Variants in CCDC88A observed in about 807,000 individuals in gnomAD.
CCDC88A encodes the protein girdin.
Under a neutral mutation model 234.3 loss-of-function variants are expected in CCDC88A, and 54 were observed. The ratio of observed to expected loss-of-function variants is 0.23; its 90% CI spans 0.19 to 0.29. CCDC88A has a LOEUF of 0.29. Among genes scored for constraint, CCDC88A ranks in the 10% least tolerant of loss-of-function variants. The pLI, the probability that CCDC88A is intolerant of heterozygous loss-of-function variation, is 1.00. For missense variants in CCDC88A, 1,832 were observed against 2,123.4 expected (o/e 0.86, Z 2.70); for synonymous variants, 753 against 737.8 (o/e 1.02, Z -0.33).
chr2:55,371,557 G>C (rs778567037), intron 5 of CCDC88A, among the ~76,000 whole-genome samples: 5 of 152,128 alleles, frequency 3.3e-5, no homozygotes, highest in Non-Finnish European at 5.9e-5. Flanking sequence ...ACAGTTCTTT[G>C]GACTACTAGC....
chr2:55,396,911 T>C (rs1476902069), intron 2 of CCDC88A, among the ~76,000 whole-genome samples: 1 of 151,854 alleles, frequency 6.6e-6, no homozygotes. Context: ...GCAATGTTTT[T>C]TCTAAAACCC....
chr2:55,349,277 T>C, intron 9 of CCDC88A: 1 of 433,444 alleles, frequency 2.3e-6, no homozygotes, highest in Non-Finnish European at 4.0e-6. Flanking sequence ...AATGTGGAAC[T>C]ACCTCAGTCC....
Position 55,289,008 on chromosome 2 carries a change from A to G in CCDC88A, c.*2192T>C, listed in dbSNP as rs1326868516. 1 of 152,560 alleles carries G rather than the reference A, an allele frequency of 6.6e-6. No homozygotes were observed. The highest frequency in any genetic ancestry group is 2.4e-5 in the African/African-American group (1 of 41,458). 9.5% of individuals were successfully genotyped at this position (152,560 alleles called of 1,614,324 possible). On this transcript the variant is annotated 3_prime_UTR_variant, in exon 33 of 33. Transcript: ENST00000436346. ...GATGAATATAATTGAGATTATTCATATTTTTGTAGTCTCAATGTGTTCCCT... is the reference window on the plus strand; with the variant it reads ...GATGAATATAATTGAGATTATTCATGTTTTTGTAGTCTCAATGTGTTCCCT...
At chr2:55,415,064 T>TC (rs1491096817) in intron 2 of CCDC88A, among the ~76,000 whole-genome samples, 3 of 77,982 alleles carry the variant, frequency 3.8e-5, no homozygotes, top group Non-Finnish European at 8.9e-5. Context: ...AGACTCTGTT[T>TC]CAAAAAAAAA....
intron 31 of CCDC88A, among the ~76,000 whole-genome samples, chr2:55,293,244 GAAAT>G (rs1337176305): frequency 6.6e-6 from 1 of 152,074 alleles, no homozygotes; most frequent in East Asian, 1.9e-4. Flanking sequence ...GTGTGGAAAA[GAAAT>G]AACACTAATT....
At chr2:55,331,227 C>G (rs1348113057) in intron 16 of CCDC88A, among the ~76,000 whole-genome samples, 2 of 152,124 alleles carry the variant, frequency 1.3e-5, no homozygotes, top group Non-Finnish European at 2.9e-5. Flanking sequence ...TATTCAGTAT[C>G]TATATTAAAA....
At chr2:55,375,329 G>T (rs1187153399) in intron 3 of CCDC88A, among the ~76,000 whole-genome samples, 1 of 151,842 alleles carries the variant, frequency 6.6e-6, no homozygotes. Context: ...AGAAAATTAA[G>T]AAACATTCCT....
intron 2 of CCDC88A, among the ~76,000 whole-genome samples, chr2:55,396,610 C>A (rs6756782): frequency 5.7e-4 from 87 of 152,244 alleles, no homozygotes; most frequent in African/African-American, 1.6e-3. Context: ...GTGGCTCACA[C>A]CTGTAATCCC....
In CCDC88A at chr2:55,335,417, C is replaced by T. The variant is rs13402277; in HGVS notation, c.1657-253G>A. Among the ~76,000 whole-genome samples the T allele has an allele frequency of 0.065, 9,883 of 152,096 alleles. 1,020 individuals are homozygous for T. Among genetic ancestry groups the T allele is most frequent in the African/African-American group, 0.22 (8,950 of 41,464 alleles). ...TTAGGAAGTTCACAGTTTAAAGGAACGGTTGAGAAATGTATTTTCTATTAA... is the reference window on the plus strand; with the variant it reads ...TTAGGAAGTTCACAGTTTAAAGGAATGGTTGAGAAATGTATTTTCTATTAA... On this transcript the variant is annotated intron_variant, in intron 14 of 32. Coordinates refer to ENST00000436346, the MANE Select transcript of CCDC88A (RefSeq NM_001365480.1). This position sits in a 1 kb window ranked among gnomAD's most constrained non-coding sequence, Gnocchi z 4.5.
Position 55,332,820 on chromosome 2 carries a change from C to G in CCDC88A, c.2728-127G>C, listed in dbSNP as rs921645750. ...ATTTGAACCAGGAAATGTCATTAAACCATTCCTTCATTATTAAAATGTAGT... is the reference window on the plus strand; with the variant it reads ...ATTTGAACCAGGAAATGTCATTAAAGCATTCCTTCATTATTAAAATGTAGT... On this transcript the variant is annotated intron_variant, in intron 15 of 32. Coordinates refer to ENST00000436346, the MANE Select transcript of CCDC88A (RefSeq NM_001365480.1). The surrounding 1 kb of genome is among the most constrained non-coding windows in gnomAD (Gnocchi z 4.5). 1 of 788,126 alleles carries G rather than the reference C, an allele frequency of 1.3e-6. No homozygotes were observed. The highest frequency in any genetic ancestry group is 2.0e-6 in the Non-Finnish European group (1 of 504,258). 48.8% of individuals were successfully genotyped at this position (788,126 alleles called of 1,614,324 possible). A position where few individuals can be genotyped will look rare whatever the true frequency, so the allele number is the denominator to read the frequency against.
In CCDC88A at chr2:55,416,490, A is replaced by ATG. The variant is rs1258844362; in HGVS notation, c.164+2325_164+2326insCA. ...TATATATATATATATATATATATGT[A>ATG]TATATTTTCTTCTAGGAATAATGAC... On this transcript the variant is annotated intron_variant, in intron 2 of 32. Coordinates refer to ENST00000436346, the MANE Select transcript of CCDC88A (RefSeq NM_001365480.1). 1.9e-3 allele frequency among the ~76,000 whole-genome samples: 193 copies of ATG among 103,124 alleles called. 5 individuals are homozygous for ATG. The highest frequency in any genetic ancestry group is 2.9e-3 in the African/African-American group (92 of 32,106). The allele number at this position is 103,124 out of a possible 152,430, so 67.7% of individuals were successfully genotyped here. A position where few individuals can be genotyped will look rare whatever the true frequency, so the allele number is the denominator to read the frequency against.
Position 55,388,828 on chromosome 2 carries a change from TA to T in CCDC88A, c.222del (p.Arg75GlufsTer9). On this transcript the variant is annotated frameshift_variant, in exon 3 of 33. Coordinates refer to ENST00000436346, the MANE Select transcript of CCDC88A (RefSeq NM_001365480.1). LOFTEE classifies it high-confidence loss of function. ...VNKKVNNDAS[L>X]RMHNLSILVR... ...ACCAAAATGGATAGATTGTGCATTC[TA>T]AGTGAGGCATCATTATTGACTTTTT... is the stretch of plus-strand genomic sequence containing the variant. 1 of 1,545,034 alleles carries T rather than the reference TA, an allele frequency of 6.5e-7. No individual in the cohort carries two copies. Among genetic ancestry groups the T allele is most frequent in the Non-Finnish European group, 8.8e-7 (1 of 1,131,784 alleles).
chr2:55,364,274 C>G (rs1291135214), intron 5 of CCDC88A: 2 of 319,974 alleles, frequency 6.3e-6, no homozygotes, highest in African/African-American at 4.4e-5. Flanking sequence ...AAGTGGGAAA[C>G]CATTACACAA....
At position 55,388,899 on chromosome 2, in the gene CCDC88A, C is replaced by G. The variant is rs761140920; in HGVS notation, c.165-13G>C. 1.1e-6 allele frequency: 1 copy of G among 938,580 alleles called. No individual in the cohort carries two copies. Among genetic ancestry groups the G allele is most frequent in the African/African-American group, 1.7e-5 (1 of 58,398 alleles). The allele number at this position is 938,580 out of a possible 1,614,324, so 58.1% of individuals were successfully genotyped here. On this transcript the variant is annotated splice_polypyrimidine_tract_variant and intron_variant, in intron 2 of 32. Transcript: ENST00000436346. ...CAATTTAGGATTACTGTAAGAAATA[C>G]AAAAATACTTTAAAATTACATAAAA...
At chr2:55,358,488 T>C (rs1670878640) in intron 7 of CCDC88A, among the ~76,000 whole-genome samples, 1 of 152,146 alleles carries the variant, frequency 6.6e-6, no homozygotes, top group African/African-American at 2.4e-5. Flanking sequence ...TGCCCATCTA[T>C]CCTTTTATTG....
chr2:55,308,878 G>T lies in CCDC88A; in HGVS notation c.4318C>A (p.Gln1440Lys). Residue 1440 changes from glutamine (Q) to lysine (K), a missense_variant, in exon 25 of 33, where the codon CAA becomes AAA. Gln to Lys is a moderately conservative substitution (Grantham distance 53). Around this residue, in one of 6 missense-constraint regions of CCDC88A, gnomAD observed 1,282 missense variants for 1,543.6 expected, o/e 0.83. Coordinates refer to ENST00000436346, the MANE Select transcript of CCDC88A (RefSeq NM_001365480.1). ...TTTGAACCTACTGAAGAACTATCTT[G>T]ACTGTCTTGATGAGGGAGCTGAAGA... ...GFLQLPHQDS[Q>K]DSSSVGSNSL... is the part of the protein sequence containing the mutation. 1.2e-6 allele frequency: 2 copies of T among 1,614,078 alleles called. No homozygotes were observed. The highest frequency in any genetic ancestry group is 2.2e-5 in the South Asian group (2 of 91,072).
chr2:55,301,122 C>T (rs1031180945), intron 28 of CCDC88A, 84 bp downstream of exon 28: 14 of 779,072 alleles, frequency 1.8e-5, no homozygotes, highest in East Asian at 2.7e-5. Context: ...CTGGCAATGA[C>T]GCATTCACCT....
At chr2:55,346,360 T>C in intron 9 of CCDC88A, 27 bp from the exon 10 acceptor site, 1 of 1,380,406 alleles carries the variant, frequency 7.2e-7, no homozygotes, top group Non-Finnish European at 9.9e-7. Context: ...AATTATATTT[T>C]AATTATTTTC....
At chr2:55,414,223 G>A (rs533049522) in intron 2 of CCDC88A, among the ~76,000 whole-genome samples, 1 of 152,186 alleles carries the variant, frequency 6.6e-6, no homozygotes, top group East Asian at 1.9e-4. Context: ...TGGGTAATAT[G>A]AATTGGACGT....
Sources: gnomAD v4.1 joint callset for allele counts (sites outside exome capture counted in the v4.1 genomes callset) on GRCh38, gnomAD v4.1.1 for gene constraint, gnomAD v4.1.1 regional missense constraint, Gnocchi (gnomAD v3.1) non-coding constraint, MANE v1.5 for transcripts, NCBI Gene and HGNC (gene_info 2026-07-23, HGNC 2026-07-21) for gene names.